CARM1: variants seen among roughly 807,000 people sequenced by gnomAD.
CARM1 encodes the protein coactivator associated arginine methyltransferase 1, also known as histone-arginine methyltransferase CARM1.
A neutral mutation model predicts 72.7 loss-of-function variants in CARM1; 14 were observed. The ratio of observed to expected loss-of-function variants is 0.19; its 90% CI spans 0.13 to 0.30. CARM1 has a LOEUF of 0.30. Ranked by LOEUF, CARM1 falls within the 10% of genes least tolerant of loss-of-function variation. The pLI, the probability that CARM1 is intolerant of heterozygous loss-of-function variation, is 1.00. For missense variants in CARM1, 432 were observed against 833.7 expected (o/e 0.52, Z 5.93); for synonymous variants, 333 against 345.5 (o/e 0.96, Z 0.40).
chr19:10,892,875 G>A (rs1866971807), intron 1 of CARM1, among the ~76,000 whole-genome samples: 1 of 152,102 alleles, frequency 6.6e-6, no homozygotes. Flanking sequence ...TGGGATTACA[G>A]GTGCCCGCCA....
At chr19:10,913,604 G>A (rs955853779) in intron 5 of CARM1, among the ~76,000 whole-genome samples, 20 of 151,978 alleles carry the variant, frequency 1.3e-4, no homozygotes, top group Admixed American at 9.8e-4. Context: ...CTCCATGTTG[G>A]TCAGGCTAGT....
intron 15 of CARM1, 53 bp from the exon 16 acceptor site, chr19:10,921,562 C>A: frequency 6.3e-7 from 1 of 1,579,474 alleles, no homozygotes; most frequent in Non-Finnish European, 8.6e-7. Context: ...GTGACTCTGC[C>A]TGGGGGCTGG....
At chr19:10,914,135 TC>T in intron 6 of CARM1, 81 bp downstream of exon 6, 2 of 1,372,836 alleles carry the variant, frequency 1.5e-6, no homozygotes, top group Non-Finnish European at 2.0e-6. Flanking sequence ...GTGCTTCAGC[TC>T]CCTGCTTACT....
intron 1 of CARM1, among the ~76,000 whole-genome samples, chr19:10,876,765 G>T (rs2073867681): frequency 1.3e-5 from 2 of 152,248 alleles, no homozygotes; most frequent in Non-Finnish European, 2.9e-5. Context: ...GAGTTCCTGG[G>T]CATAGGCTGC....
At chr19:10,881,203 A>G (rs939717502) in intron 1 of CARM1, among the ~76,000 whole-genome samples, 1 of 152,246 alleles carries the variant, frequency 6.6e-6, no homozygotes, top group South Asian at 2.1e-4. Context: ...CTTGTGATAT[A>G]TGAAAAGGAA....
chr19:10,871,723 G>T lies in CARM1; in HGVS notation c.21G>T (p.Ala7=). ...CTAAGATGGCAGCGGCGGCGGCGGC[G>T]GTGGGGCCGGGCGCGGGCGGCGCGG... MAAAAA[A]VGPGAGGAGS... is the part of the protein sequence containing the mutation. The change falls in exon 1 of 16, where the codon GCG becomes GCT. Residue 7 remains alanine (A), a synonymous_variant. Coordinates refer to ENST00000327064, the MANE Select transcript of CARM1 (RefSeq NM_199141.2). This position sits in a 1 kb window ranked among gnomAD's most constrained non-coding sequence, Gnocchi z 5.6. 1.0e-6 allele frequency: 1 copy of T among 965,362 alleles called. No homozygotes were observed. Among genetic ancestry groups the T allele is most frequent in the Non-Finnish European group, 1.2e-6 (1 of 808,318 alleles). 59.8% of individuals were successfully genotyped at this position (965,362 alleles called of 1,614,324 possible).
intron 8 of CARM1, among the ~76,000 whole-genome samples, chr19:10,918,639 G>T (rs567764611): frequency 6.6e-6 from 1 of 152,088 alleles, no homozygotes; most frequent in African/African-American, 2.4e-5. Context: ...CGCCCACCTT[G>T]CCCTCCTGCA....
chr19:10,890,714 C>T (rs2073978637), intron 1 of CARM1, among the ~76,000 whole-genome samples: 1 of 143,844 alleles, frequency 7.0e-6, no homozygotes, highest in African/African-American at 2.6e-5. Context: ...CACATATATA[C>T]ACATGAATAT....
rs1411138046 is a variant in CARM1 at position 10,916,137 on chromosome 19, C to T, written c.848-270C>T. Among the ~76,000 whole-genome samples, 2 of 152,218 alleles carry T rather than the reference C, an allele frequency of 1.3e-5. No individual in the cohort carries two copies. Among genetic ancestry groups the T allele is most frequent in the Non-Finnish European group, 2.9e-5 (2 of 68,040 alleles). ...TGAGTCTTTGGCAGGTCCCTCACAC[C>T]TGCCAGGTCTAGTAATAGGACATAA... On this transcript the variant is annotated intron_variant, in intron 6 of 15. Transcript: ENST00000327064. The surrounding 1 kb of genome is among the most constrained non-coding windows in gnomAD (Gnocchi z 4.4).
chr19:10,883,120 A>C (rs915308713), intron 1 of CARM1, among the ~76,000 whole-genome samples: 3 of 152,122 alleles, frequency 2.0e-5, no homozygotes, highest in Non-Finnish European at 4.4e-5. Context: ...ATTAGCACAC[A>C]TGGGAGCCTC....
chr19:10,920,790 C>T lies in CARM1; in HGVS notation c.1424+42C>T. ...GCCTGCACAGGGGGGCGCCCCGGCC[C>T]TGCAACCCCCTTGCCCCTGCCCATG... On this transcript the variant is annotated intron_variant, in intron 12 of 15. Transcript: ENST00000327064. The surrounding 1 kb of genome is among the most constrained non-coding windows in gnomAD (Gnocchi z 5.3). 6.2e-7 allele frequency: 1 copy of T among 1,613,478 alleles called. No homozygotes were observed. Among genetic ancestry groups the T allele is most frequent in the Non-Finnish European group, 8.5e-7 (1 of 1,179,388 alleles).
At chr19:10,897,337 C>T (rs2074031794) in intron 1 of CARM1, among the ~76,000 whole-genome samples, 1 of 152,182 alleles carries the variant, frequency 6.6e-6, no homozygotes, top group Non-Finnish European at 1.5e-5. Context: ...AGTGTTGTCA[C>T]TCTTATGTCA....
intron 1 of CARM1, among the ~76,000 whole-genome samples, chr19:10,899,193 G>A (rs1417244521): frequency 3.9e-5 from 6 of 152,192 alleles, no homozygotes; most frequent in Admixed American, 3.9e-4. Flanking sequence ...CTCAGCCCCG[G>A]CATCTTTGGC....
chr19:10,918,916 G>T (rs2034947832), intron 8 of CARM1: 1 of 152,156 alleles, frequency 6.6e-6, no homozygotes, highest in South Asian at 2.1e-4. Flanking sequence ...TCTTTTCTTT[G>T]GATTTTATTC....
At position 10,916,211 on chromosome 19, in the gene CARM1, C is replaced by T. The variant is rs534589677; in HGVS notation, c.848-196C>T. Among the ~76,000 whole-genome samples the T allele has an allele frequency of 2.6e-5, 4 of 152,272 alleles. No homozygotes were observed. The highest frequency in any genetic ancestry group is 9.6e-5 in the African/African-American group (4 of 41,570). Reference sequence around the variant, plus strand: ...CTCAGGTGGAATTCGTGAGCTGGTGCAGGTCAGGTACCCGTGGTGGTGATG... The same window carrying T: ...CTCAGGTGGAATTCGTGAGCTGGTGTAGGTCAGGTACCCGTGGTGGTGATG... On this transcript the variant is annotated intron_variant, in intron 6 of 15. Coordinates refer to ENST00000327064, the MANE Select transcript of CARM1 (RefSeq NM_199141.2). The surrounding 1 kb of genome is among the most constrained non-coding windows in gnomAD (Gnocchi z 4.4).
At chr19:10,918,701 G>A (rs1263542649) in intron 8 of CARM1, among the ~76,000 whole-genome samples, 1 of 152,068 alleles carries the variant, frequency 6.6e-6, no homozygotes, top group Non-Finnish European at 1.5e-5. Context: ...AGCTGCCTTG[G>A]TAACCCTGAG....
At position 10,921,047 on chromosome 19, in the gene CARM1, C is replaced by T; in HGVS notation, c.1538-3C>T. 6.2e-7 allele frequency: 1 copy of T among 1,614,090 alleles called. No individual in the cohort carries two copies. The highest frequency in any genetic ancestry group is 2.2e-5 in the East Asian group (1 of 44,876). ...GCCCTGACGTCTCCCTCTCTGGACA[C>T]AGGGATGCCGACCGCCTATGACTTG... On this transcript the variant is annotated splice_region_variant and splice_polypyrimidine_tract_variant and intron_variant, in intron 13 of 15. Transcript: ENST00000327064.
chr19:10,910,630 A>G (rs758147821), intron 4 of CARM1, among the ~76,000 whole-genome samples: 67 of 148,306 alleles, frequency 4.5e-4, no homozygotes, highest in Middle Eastern at 6.9e-3. Context: ...CAGTGACACA[A>G]TCTCGGCTCA....
intron 8 of CARM1, chr19:10,919,206 A>G (rs1337724823): frequency 5.6e-6 from 1 of 179,816 alleles, no homozygotes; most frequent in Non-Finnish European, 1.2e-5. Flanking sequence ...TCATCTGTTC[A>G]TAAAGAGCCT....
Sources: gnomAD v4.1 joint callset for allele counts (sites outside exome capture counted in the v4.1 genomes callset) on GRCh38, gnomAD v4.1.1 for gene constraint, Gnocchi (gnomAD v3.1) non-coding constraint, MANE v1.5 for transcripts, NCBI Gene and HGNC (gene_info 2026-07-23, HGNC 2026-07-21) for gene names.